The following SAMD5 variants were observed in gnomAD, a reference collection of about 807,000 sequenced individuals.
The protein encoded by SAMD5 is sterile alpha motif domain-containing protein 5.
A neutral mutation model predicts 11.3 loss-of-function variants in SAMD5; 13 were observed. The observed-to-expected ratio is 1.15, with a 90% CI of 0.75 to 1.83. SAMD5 has a LOEUF of 1.83. SAMD5 is among the 40% of genes most tolerant of loss of function. SAMD5 has a pLI of 0.00. For missense variants in SAMD5, 255 were observed against 239.1 expected (o/e 1.07, Z -0.44); for synonymous variants, 129 against 111.3 (o/e 1.16, Z -1.00).
intron 1 of SAMD5, among the ~76,000 whole-genome samples, chr6:147,725,004 A>G (rs1432832465): frequency 6.6e-6 from 1 of 152,136 alleles, no homozygotes; most frequent in Non-Finnish European, 1.5e-5. Flanking sequence ...AAAACCAGTC[A>G]TATTTTTTGT....
At chr6:147,664,108 A>G (rs1790684550) in intron 1 of SAMD5, among the ~76,000 whole-genome samples, 1 of 152,066 alleles carries the variant, frequency 6.6e-6, no homozygotes, top group Non-Finnish European at 1.5e-5. Context: ...ACCTTCACTC[A>G]ACAATAAAAC....
At chr6:147,510,214 C>T (rs1196383209) in intron 1 of SAMD5, among the ~76,000 whole-genome samples, 1 of 152,122 alleles carries the variant, frequency 6.6e-6, no homozygotes, top group Admixed American at 6.5e-5. Flanking sequence ...GCACCGGGGG[C>T]CTCAGGGAAG....
intron 1 of SAMD5, among the ~76,000 whole-genome samples, chr6:147,694,338 C>T (rs1337263150): frequency 2.6e-5 from 4 of 152,074 alleles, no homozygotes; most frequent in Non-Finnish European, 4.4e-5. Flanking sequence ...AAGTGATTTC[C>T]TTGTGAAGTG....
chr6:147,585,413 CCAAA>C (rs1040534283), intron 1 of SAMD5, among the ~76,000 whole-genome samples: 56 of 152,096 alleles, frequency 3.7e-4, no homozygotes, highest in Non-Finnish European at 6.0e-4. Flanking sequence ...ACTGATCTCA[CCAAA>C]CAGAGTAAGA....
In SAMD5 at chr6:147,590,266, C is replaced by T. The variant is rs1048059723; in HGVS notation, c.162+80879C>T. ...TGTATTTATCTCTTAAAGGCCCATA[C>T]CTATCTCCACAAAGGAACTAGGAGT... On this transcript the variant is annotated intron_variant, in intron 1 of 1. Coordinates refer to the SAMD5 transcript ENST00000566741. Among the ~76,000 whole-genome samples the T allele has an allele frequency of 2.0e-5, 3 of 152,088 alleles. No individual in the cohort carries two copies. The East Asian group carries it at 5.8e-4, about 29-fold the overall frequency.
the SAMD5 span, among the ~76,000 whole-genome samples, chr6:147,839,768 A>T: frequency 6.6e-6 from 1 of 152,198 alleles, no homozygotes; most frequent in Non-Finnish European, 1.5e-5. Flanking sequence ...AACAAAAGGT[A>T]AAAACATGGA....
the SAMD5 span, among the ~76,000 whole-genome samples, chr6:147,889,011 G>A: frequency 6.2e-4 from 94 of 152,082 alleles, no homozygotes; most frequent in Admixed American, 1.7e-3. Flanking sequence ...TGGACCTGTA[G>A]TCTACAACTA....
chr6:147,883,499 A>G, the SAMD5 span, among the ~76,000 whole-genome samples: 6 of 152,332 alleles, frequency 3.9e-5, no homozygotes, highest in African/African-American at 1.4e-4. Context: ...TCACAGCTAT[A>G]CATTTCAGAG....
chr6:147,618,449 G>A (rs552278934), intron 1 of SAMD5, among the ~76,000 whole-genome samples: 67 of 152,298 alleles, frequency 4.4e-4, no homozygotes, highest in African/African-American at 1.6e-3. Context: ...GGGCTGATTG[G>A]AGCCTGGGGC....
intron 1 of SAMD5, among the ~76,000 whole-genome samples, chr6:147,534,488 A>G (rs181090998): frequency 0.017 from 2,570 of 152,304 alleles, 54 homozygotes; most frequent in South Asian, 0.065. Flanking sequence ...AGTAATTCAC[A>G]CAGAGCCGGC....
At chr6:147,894,407 C>T in the SAMD5 span, among the ~76,000 whole-genome samples, 1 of 152,132 alleles carries the variant, frequency 6.6e-6, no homozygotes, top group Non-Finnish European at 1.5e-5. Context: ...CAGTTGTGAG[C>T]CACCACATCC....
chr6:147,686,752 G>T (rs981941190), intron 1 of SAMD5, among the ~76,000 whole-genome samples: 2 of 151,454 alleles, frequency 1.3e-5, no homozygotes, highest in African/African-American at 4.8e-5. Context: ...AAAGGAAAAA[G>T]CTTGAGAAGT....
At chr6:147,772,096 C>T in the SAMD5 span, among the ~76,000 whole-genome samples, 1 of 152,164 alleles carries the variant, frequency 6.6e-6, no homozygotes, top group Non-Finnish European at 1.5e-5. Flanking sequence ...CTTTTCTTCT[C>T]CTTCACAAGG....
chr6:147,596,577 T>C (rs928130602), intron 1 of SAMD5, among the ~76,000 whole-genome samples: 2 of 152,190 alleles, frequency 1.3e-5, no homozygotes, highest in Non-Finnish European at 2.9e-5. Context: ...AATAATTCAA[T>C]TTGAATAATG....
the SAMD5 span, among the ~76,000 whole-genome samples, chr6:147,930,517 G>T: frequency 6.6e-6 from 1 of 152,110 alleles, no homozygotes; most frequent in Non-Finnish European, 1.5e-5. Flanking sequence ...GGGAGAATTG[G>T]CTCAGAGGAT....
At chr6:147,555,186 G>A (rs1788835995) in intron 1 of SAMD5, among the ~76,000 whole-genome samples, 1 of 152,152 alleles carries the variant, frequency 6.6e-6, no homozygotes, top group South Asian at 2.1e-4. Context: ...AACAAAATGA[G>A]AACTACTCAT....
rs550602610 is a variant in SAMD5 at position 147,729,122 on chromosome 6, A to G, written c.163-8195A>G. 2.6e-5 allele frequency among the ~76,000 whole-genome samples: 4 copies of G among 152,292 alleles called. No individual in the cohort carries two copies. In the East Asian group the frequency reaches 7.7e-4, roughly 29 times the overall value. ...ACGGCAGCCCTCTTGCTGTGTCCTC[A>G]CATGGCCTTTGCTCTGTATGCAAAC... On this transcript the variant is annotated intron_variant, in intron 1 of 1. Coordinates refer to the SAMD5 transcript ENST00000566741.
chr6:147,873,599 C>A, the SAMD5 span, among the ~76,000 whole-genome samples: 1 of 151,886 alleles, frequency 6.6e-6, no homozygotes, highest in South Asian at 2.1e-4. Flanking sequence ...GTGTATATAT[C>A]GTACTAATGC....
chr6:147,583,628 G>A (rs763560031), intron 1 of SAMD5, among the ~76,000 whole-genome samples: 1 of 152,128 alleles, frequency 6.6e-6, no homozygotes, highest in Admixed American at 6.6e-5. Context: ...GATCTAGAAG[G>A]TTACAGGTAA....
Sources: gnomAD v4.1 joint callset for allele counts (sites outside exome capture counted in the v4.1 genomes callset) on GRCh38, gnomAD v4.1.1 for gene constraint, MANE v1.5 for transcripts, NCBI Gene and HGNC (gene_info 2026-07-23, HGNC 2026-07-21) for gene names.